Variants in KIAA1217 observed in about 807,000 individuals in gnomAD.
The protein encoded by KIAA1217 is sickle tail protein homolog.
In KIAA1217, 88 loss-of-function variants were observed where a neutral mutation model predicts 163.9. That is an observed-to-expected ratio of 0.54 (90% CI 0.45 to 0.64). The LOEUF (loss-of-function observed/expected upper bound fraction) is 0.64, where lower values mean the gene tolerates loss of function less well. Ranked by LOEUF, KIAA1217 falls within the 30% of genes least tolerant of loss-of-function variation. The probability of loss-of-function intolerance (pLI) is 0.00; values close to 1 mark genes in which losing one functional copy is unlikely to be tolerated. For synonymous variants in KIAA1217, 903 were observed against 923.1 expected, an observed-to-expected ratio of 0.98 and a Z score of 0.39; for missense variants, 2,372 against 2,475.0, an observed-to-expected ratio of 0.96 and a Z score of 0.88.
At chr10:24,353,626 T>C (rs2048725099) in intron 2 of KIAA1217, among the ~76,000 whole-genome samples, 1 of 152,188 alleles carries the variant, frequency 6.6e-6, no homozygotes, top group Non-Finnish European at 1.5e-5. Flanking sequence ...GGGGCTATTT[T>C]CCCTCTCTCT....
chr10:23,719,583 A>AAAATAAATAAAT (rs562845414), intron 1 of KIAA1217, among the ~76,000 whole-genome samples: 1 of 148,388 alleles, frequency 6.7e-6, no homozygotes, highest in African/African-American at 2.5e-5. Context: ...CCCCTTCTCA[A>AAAATAAATAAAT]AAATAAATAA....
chr10:24,504,429 CCCATCAAA>C (rs1195121292), intron 9 of KIAA1217, among the ~76,000 whole-genome samples: 2 of 152,152 alleles, frequency 1.3e-5, no homozygotes, highest in African/African-American at 2.4e-5. Context: ...AGCTTTCCTC[CCCATCAAA>C]CTTCTGTCTT....
intron 1 of KIAA1217, among the ~76,000 whole-genome samples, chr10:23,929,807 T>C (rs1843182121): frequency 6.6e-6 from 1 of 152,210 alleles, no homozygotes; most frequent in African/African-American, 2.4e-5. Flanking sequence ...TTATTTTCCT[T>C]TGGATATATA....
chr10:24,393,040 AT>A (rs929332984), intron 3 of KIAA1217, among the ~76,000 whole-genome samples: 1 of 152,126 alleles, frequency 6.6e-6, no homozygotes, highest in African/African-American at 2.4e-5. Flanking sequence ...AGTTCCCCAC[AT>A]TTTTAGCACC....
chr10:23,820,899 C>T (rs2065789), intron 1 of KIAA1217, among the ~76,000 whole-genome samples: 31,640 of 152,064 alleles, frequency 0.21, 3,448 homozygotes, highest in Middle Eastern at 0.29. Flanking sequence ...GCAAAATCAT[C>T]GCTGTAAGAA....
At chr10:23,803,006 C>G (rs879348238) in intron 1 of KIAA1217, among the ~76,000 whole-genome samples, 2 of 152,014 alleles carry the variant, frequency 1.3e-5, no homozygotes, top group African/African-American at 4.8e-5. Context: ...TATTATCATC[C>G]CTGTGTTATA....
intron 2 of KIAA1217, among the ~76,000 whole-genome samples, chr10:24,054,313 G>A (rs1019881572): frequency 6.6e-6 from 1 of 152,184 alleles, no homozygotes; most frequent in African/African-American, 2.4e-5. Flanking sequence ...CAGGACAGAA[G>A]CTATAGACAT....
At chr10:23,790,662 CAT>C (rs1378824053) in intron 1 of KIAA1217, among the ~76,000 whole-genome samples, 4 of 125,316 alleles carry the variant, frequency 3.2e-5, no homozygotes, top group African/African-American at 1.2e-4. Context: ...TATATATATA[CAT>C]ATATATCATA....
chr10:24,333,351 T>C (rs1303907760), intron 2 of KIAA1217, among the ~76,000 whole-genome samples: 1 of 152,142 alleles, frequency 6.6e-6, no homozygotes, highest in African/African-American at 2.4e-5. Flanking sequence ...AGGATTATGA[T>C]GATGAATGGT....
At chr10:24,467,660 G>C (rs773361140) in intron 5 of KIAA1217, among the ~76,000 whole-genome samples, 2 of 152,178 alleles carry the variant, frequency 1.3e-5, no homozygotes, top group African/African-American at 2.4e-5. Context: ...TGGGGAAAAA[G>C]TGTCAATGGT....
chr10:24,429,049 G>A (rs755466804), intron 3 of KIAA1217, among the ~76,000 whole-genome samples: 1 of 152,166 alleles, frequency 6.6e-6, no homozygotes, highest in East Asian at 1.9e-4. Flanking sequence ...AGCTGAGGAG[G>A]CTAGGGAGGG....
At chr10:24,292,213 G>A (rs2079148619) in intron 2 of KIAA1217, among the ~76,000 whole-genome samples, 1 of 152,178 alleles carries the variant, frequency 6.6e-6, no homozygotes, top group African/African-American at 2.4e-5. Context: ...GATGTAGTTT[G>A]CAGTTGAGGT....
chr10:24,532,134 G>C, intron 15 of KIAA1217, 141 bp downstream of exon 15: 2 of 693,578 alleles, frequency 2.9e-6, no homozygotes, highest in East Asian at 6.6e-5. Context: ...AAGCACCACA[G>C]ATGGAACAAT....
intron 1 of KIAA1217, among the ~76,000 whole-genome samples, chr10:23,766,063 G>A (rs1834503293): frequency 6.6e-6 from 1 of 152,216 alleles, no homozygotes; most frequent in African/African-American, 2.4e-5. Flanking sequence ...TAACAAGGTA[G>A]AGAGTTGCTG....
At chr10:23,915,019 A>G (rs1842580525) in intron 1 of KIAA1217, among the ~76,000 whole-genome samples, 1 of 152,160 alleles carries the variant, frequency 6.6e-6, no homozygotes, top group South Asian at 2.1e-4. Flanking sequence ...AAAAGAAATT[A>G]TAGACCCGAC....
intron 1 of KIAA1217, among the ~76,000 whole-genome samples, chr10:23,951,471 T>C (rs1405999273): frequency 1.3e-5 from 2 of 152,086 alleles, no homozygotes; most frequent in Non-Finnish European, 2.9e-5. Flanking sequence ...CTGGGCAACA[T>C]GGCAAAACGC....
At chr10:23,979,295 C>T (rs1419323074) in intron 1 of KIAA1217, among the ~76,000 whole-genome samples, 1 of 152,168 alleles carries the variant, frequency 6.6e-6, no homozygotes, top group Non-Finnish European at 1.5e-5. Context: ...GGTGACTTCA[C>T]CCGCCCAAGT....
At chr10:24,472,518 T>A (rs1336830601) in intron 5 of KIAA1217, among the ~76,000 whole-genome samples, 1 of 152,170 alleles carries the variant, frequency 6.6e-6, no homozygotes, top group Non-Finnish European at 1.5e-5. Flanking sequence ...TCAGGACAAG[T>A]TTTAGAAGAC....
At chr10:23,816,157 C>T (rs1425725148) in intron 1 of KIAA1217, among the ~76,000 whole-genome samples, 2 of 152,206 alleles carry the variant, frequency 1.3e-5, no homozygotes, top group African/African-American at 4.8e-5. Flanking sequence ...AAGGTCCCCT[C>T]TGCAAGGCAT....
Sources: allele counts gnomAD v4.1 joint callset (sites outside exome capture counted in the v4.1 genomes callset), GRCh38; gene constraint gnomAD v4.1.1; transcripts MANE v1.5; gene names NCBI Gene and HGNC (gene_info 2026-07-23, HGNC 2026-07-21).